Variants in STK4 observed in about 807,000 individuals in gnomAD.
The protein encoded by STK4 is serine/threonine kinase 4, also known as serine/threonine-protein kinase 4.
Under a neutral mutation model 64.9 loss-of-function variants are expected in STK4, and 30 were observed. The observed-to-expected ratio is 0.46, with a 90% CI of 0.35 to 0.63. The LOEUF (loss-of-function observed/expected upper bound fraction) is 0.63, where lower values mean the gene tolerates loss of function less well. STK4 is among the 20% of genes least tolerant of loss of function. The probability of loss-of-function intolerance (pLI) is 0.01; values close to 1 mark genes in which losing one functional copy is unlikely to be tolerated. For missense variants in STK4, 466 were observed against 598.5 expected, an observed-to-expected ratio of 0.78 and a Z score of 2.31; for synonymous variants, 177 against 199.0, an observed-to-expected ratio of 0.89 and a Z score of 0.93.
chr20:45,075,277 C>G lies in STK4; in HGVS notation c.*101C>G. 1 of 1,449,950 alleles carries G rather than the reference C, an allele frequency of 6.9e-7. No individual in the cohort carries two copies. The highest frequency in any genetic ancestry group is 9.2e-7 in the Non-Finnish European group (1 of 1,081,344). 89.8% of individuals were successfully genotyped at this position (1,449,950 alleles called of 1,614,324 possible). ...AGCCAGCACTTCTGCTCTGTCGTCT[C>G]TCCACAGCACCTTTGTGAACTCAGG... On this transcript the variant is annotated 3_prime_UTR_variant, in exon 11 of 11. Transcript: ENST00000372806.
At chr20:44,992,073 G>A (rs1158582762) in intron 5 of STK4, among the ~76,000 whole-genome samples, 1 of 151,636 alleles carries the variant, frequency 6.6e-6, no homozygotes, top group Admixed American at 6.6e-5. Flanking sequence ...TAGTTTACTA[G>A]TTGTCTTTTA....
intron 7 of STK4, among the ~76,000 whole-genome samples, chr20:44,998,433 A>C (rs879200078): frequency 4.2e-4 from 64 of 152,348 alleles, no homozygotes; most frequent in Admixed American, 3.9e-3. Flanking sequence ...TATTGAAGAC[A>C]GTATGGTATG....
At chr20:45,007,939 C>A in intron 9 of STK4, 1 of 221,340 alleles carries the variant, frequency 4.5e-6, no homozygotes, top group South Asian at 5.4e-5. Context: ...ATGTTTATAT[C>A]CATGTGTGCT....
chr20:44,971,093 A>ACG (rs2067237440), intron 1 of STK4, among the ~76,000 whole-genome samples: 1 of 86,942 alleles, frequency 1.2e-5, no homozygotes, highest in Non-Finnish European at 3.0e-5. Flanking sequence ...ACACACACAC[A>ACG]CACACACACA....
At chr20:44,986,672 G>A (rs2067535723) in intron 4 of STK4, among the ~76,000 whole-genome samples, 2 of 152,214 alleles carry the variant, frequency 1.3e-5, no homozygotes, top group African/African-American at 4.8e-5. Flanking sequence ...ACACGATGGT[G>A]ACTTGGACCA....
At chr20:44,996,941 G>C (rs1241604236) in intron 6 of STK4, among the ~76,000 whole-genome samples, 1 of 151,982 alleles carries the variant, frequency 6.6e-6, no homozygotes, top group South Asian at 2.1e-4. Context: ...GATGTTGTGA[G>C]GTTTAGGGAA....
chr20:45,043,637 T>A (rs756947142), intron 10 of STK4, among the ~76,000 whole-genome samples: 4 of 152,248 alleles, frequency 2.6e-5, no homozygotes, highest in Non-Finnish European at 5.9e-5. Flanking sequence ...CCTGAAATGC[T>A]CTAAAATTTG....
At position 45,031,554 on chromosome 20, in the gene STK4, G is replaced by T. The variant is rs188171755; in HGVS notation, c.1305+6424G>T. On this transcript the variant is annotated intron_variant, in intron 10 of 10. Transcript: ENST00000372806. ...CCGAAAAGTTTAAAACAGAGGAATG[G>T]AAAAAGATACACTAGGCAAATACTC... is the stretch of plus-strand genomic sequence containing the variant. Among the ~76,000 whole-genome samples, 11 of 152,188 alleles carry T rather than the reference G, an allele frequency of 7.2e-5. No homozygotes were observed. The East Asian group carries it at 2.1e-3, about 29-fold the overall frequency.
intron 5 of STK4, among the ~76,000 whole-genome samples, chr20:44,988,224 T>A (rs2067565411): frequency 6.6e-6 from 1 of 151,832 alleles, no homozygotes; most frequent in African/African-American, 2.4e-5. Context: ...TATAAAATAA[T>A]ATAATATTGG....
intron 9 of STK4, among the ~76,000 whole-genome samples, chr20:45,012,047 T>C (rs2068060560): frequency 6.6e-6 from 1 of 151,596 alleles, no homozygotes; most frequent in Admixed American, 6.6e-5. Context: ...AAATTTTTTT[T>C]TTTTTTTGAG....
chr20:44,995,167 C>T lies in STK4; in HGVS notation c.603C>T (p.Tyr201=). The T allele has an allele frequency of 6.2e-7, 1 of 1,613,930 alleles. No individual in the cohort carries two copies. Among genetic ancestry groups the T allele is most frequent in the South Asian group, 1.1e-5 (1 of 91,060 alleles). The change falls in exon 6 of 11, where the codon TAC becomes TAT. Residue 201 remains tyrosine, a synonymous_variant. Transcript: ENST00000372806. ...MAPEVIQEIG[Y]NCVADIWSLG... ...CAGAAGTGATTCAGGAAATTGGATA[C>T]AACTGTGTAGCAGACATCTGGTCCC...
At chr20:45,056,860 G>T (rs569298763) in intron 10 of STK4, among the ~76,000 whole-genome samples, 1 of 152,320 alleles carries the variant, frequency 6.6e-6, no homozygotes, top group East Asian at 1.9e-4. Context: ...AACTGCCAGG[G>T]CTTCAGACTT....
chr20:45,011,730 T>TATA (rs1555813605), intron 9 of STK4, among the ~76,000 whole-genome samples: 916 of 83,558 alleles, frequency 0.011, 12 homozygotes, highest in African/African-American at 0.034. Context: ...TATATATATA[T>TATA]TTTTTTTTTT....
intron 9 of STK4, among the ~76,000 whole-genome samples, chr20:45,005,662 A>C (rs927349057): frequency 5.6e-4 from 85 of 151,716 alleles, no homozygotes; most frequent in Non-Finnish European, 5.0e-4. Context: ...AAAAAAAAAA[A>C]AAAAACAAAA....
chr20:45,024,904 T>G (rs188177428), intron 9 of STK4, 69 bp from the exon 10 acceptor site: 1 of 1,398,030 alleles, frequency 7.2e-7, no homozygotes, highest in Non-Finnish European at 9.4e-7. Flanking sequence ...TCTGGAGATA[T>G]GTCTATTTAT....
At chr20:45,053,515 A>T (rs1395772861) in intron 10 of STK4, among the ~76,000 whole-genome samples, 3 of 152,230 alleles carry the variant, frequency 2.0e-5, no homozygotes, top group African/African-American at 7.2e-5. Flanking sequence ...TGAGAAAAAG[A>T]GCTGAGTCCA....
At chr20:45,067,464 G>A (rs1979676644) in intron 10 of STK4, among the ~76,000 whole-genome samples, 1 of 152,204 alleles carries the variant, frequency 6.6e-6, no homozygotes, top group Non-Finnish European at 1.5e-5. Context: ...CTTTTGAGGT[G>A]AGAGTTTGTA....
intron 10 of STK4, among the ~76,000 whole-genome samples, chr20:45,050,720 T>C (rs190863969): frequency 1.8e-4 from 27 of 152,282 alleles, no homozygotes; most frequent in Admixed American, 9.8e-4. Context: ...TAAAGCTTTG[T>C]ATATGGTATC....
intron 10 of STK4, among the ~76,000 whole-genome samples, chr20:45,026,189 C>G (rs2068343339): frequency 7.4e-6 from 1 of 135,966 alleles, no homozygotes. Context: ...TGGTCATTAA[C>G]AGAACAGCCA....
Sources: allele counts gnomAD v4.1 joint callset (sites outside exome capture counted in the v4.1 genomes callset), GRCh38; gene constraint gnomAD v4.1.1; transcripts MANE v1.5; gene names NCBI Gene and HGNC (gene_info 2026-07-23, HGNC 2026-07-21).